Variants in DAB2IP observed in about 807,000 individuals in gnomAD.
The protein encoded by DAB2IP is disabled homolog 2-interacting protein.
In DAB2IP, 28 loss-of-function variants were observed where a neutral mutation model predicts 107.2. That is an observed-to-expected ratio of 0.26 (90% CI 0.19 to 0.36). The LOEUF (loss-of-function observed/expected upper bound fraction) is 0.36, where lower values mean the gene tolerates loss of function less well. Ranked by LOEUF, DAB2IP falls within the 10% of genes least tolerant of loss-of-function variation. DAB2IP has a pLI of 1.00. For missense variants in DAB2IP, 1,400 were observed against 1,644.7 expected, an observed-to-expected ratio of 0.85 and a Z score of 2.57; for synonymous variants, 755 against 706.4, an observed-to-expected ratio of 1.07 and a Z score of -1.09.
At position 121,702,625 on chromosome 9, in the gene DAB2IP, A is replaced by G. The variant is rs1032895886; in HGVS notation, c.362+3167A>G. ...AGGTGAAAGGTGTGCCGGCAAAAGC[A>G]TTTTCATTTTGCACACTGGAAATGC... On this transcript the variant is annotated intron_variant, in intron 3 of 15. Transcript: ENST00000408936. This position sits in a 1 kb window ranked among gnomAD's most constrained non-coding sequence, Gnocchi z 4.5. Among the ~76,000 whole-genome samples the G allele has an allele frequency of 2.6e-5, 4 of 152,252 alleles. No homozygotes were observed. The highest frequency in any genetic ancestry group is 3.9e-4 in the East Asian group (2 of 5,180).
Position 121,760,479 on chromosome 9 carries a change from G to A in DAB2IP, c.1170+40G>A, listed in dbSNP as rs1833809486. ...CTCGGCTCCTGACACAGGCTGGGCG[G>A]CAGCACTGGGTTACCTGCCCTTCCT... On this transcript the variant is annotated intron_variant, in intron 6 of 15. Transcript: ENST00000408936. This position sits in a 1 kb window ranked among gnomAD's most constrained non-coding sequence, Gnocchi z 5.9. 1 of 1,527,312 alleles carries A rather than the reference G, an allele frequency of 6.5e-7. No homozygotes were observed. Among genetic ancestry groups the A allele is most frequent in the Non-Finnish European group, 8.8e-7 (1 of 1,142,264 alleles). The allele number at this position is 1,527,312 out of a possible 1,614,324, so 94.6% of individuals were successfully genotyped here. A position where few individuals can be genotyped will look rare whatever the true frequency, so the allele number is the denominator to read the frequency against.
chr9:121,638,126 G>C (rs1470390173), intron 1 of DAB2IP, among the ~76,000 whole-genome samples: 1 of 152,070 alleles, frequency 6.6e-6, no homozygotes, highest in Admixed American at 6.5e-5. Context: ...ATATGCAGTC[G>C]GCCCTCCGAA....
intron 3 of DAB2IP, among the ~76,000 whole-genome samples, chr9:121,734,105 C>T (rs1281229236): frequency 1.4e-5 from 2 of 140,614 alleles, no homozygotes; most frequent in South Asian, 2.1e-4. Flanking sequence ...GGGCCGGGCG[C>T]GGTGGCTCAC....
chr9:121,644,164 T>C (rs565821045), intron 1 of DAB2IP, among the ~76,000 whole-genome samples: 1 of 143,152 alleles, frequency 7.0e-6, no homozygotes, highest in South Asian at 2.2e-4. Flanking sequence ...GAGCGAGACC[T>C]TGTCTAAAAA....
At chr9:121,707,386 C>T (rs979811296) in intron 3 of DAB2IP, among the ~76,000 whole-genome samples, 2 of 152,206 alleles carry the variant, frequency 1.3e-5, no homozygotes, top group African/African-American at 4.8e-5. Flanking sequence ...TACATTACTG[C>T]ATCAGATGCT....
upstream of DAB2IP, among the ~76,000 whole-genome samples, chr9:121,649,623 T>C (rs1030137219): frequency 6.6e-6 from 1 of 151,902 alleles, no homozygotes; most frequent in Non-Finnish European, 1.5e-5. Flanking sequence ...TTCCTGGGAG[T>C]CCCTCACCCC....
At chr9:121,690,861 C>T (rs1025333237) in intron 2 of DAB2IP, among the ~76,000 whole-genome samples, 7 of 152,266 alleles carry the variant, frequency 4.6e-5, no homozygotes, top group Non-Finnish European at 8.8e-5. Context: ...CTGGAGGGAC[C>T]TGTGATAACT....
chr9:121,742,449 A>G (rs1832421436), intron 3 of DAB2IP, among the ~76,000 whole-genome samples: 1 of 152,158 alleles, frequency 6.6e-6, no homozygotes, highest in Admixed American at 6.5e-5. Context: ...AGATAGCCAC[A>G]CAGCACCTAC....
chr9:121,713,688 T>C (rs1830448092), intron 3 of DAB2IP, among the ~76,000 whole-genome samples: 1 of 152,128 alleles, frequency 6.6e-6, no homozygotes, highest in Non-Finnish European at 1.5e-5. Context: ...CAGGGGAGCC[T>C]GGGGTGAATT....
chr9:121,689,249 G>A (rs374275262), intron 2 of DAB2IP, among the ~76,000 whole-genome samples: 6 of 151,038 alleles, frequency 4.0e-5, no homozygotes, highest in African/African-American at 1.2e-4. Flanking sequence ...AGCTGAGATC[G>A]CGCCACTACA....
chr9:121,651,669 C>G lies in DAB2IP; in HGVS notation c.-107C>G. 1.8e-6 allele frequency: 2 copies of G among 1,096,996 alleles called. No individual in the cohort carries two copies. Among genetic ancestry groups the G allele is most frequent in the Non-Finnish European group, 2.2e-6 (2 of 903,220 alleles). The allele number at this position is 1,096,996 out of a possible 1,614,324, so 68.0% of individuals were successfully genotyped here. On this transcript the variant is annotated 5_prime_UTR_variant, in exon 1 of 16. Coordinates refer to ENST00000408936, the Ensembl canonical transcript of DAB2IP. The surrounding 1 kb of genome is among the most constrained non-coding windows in gnomAD (Gnocchi z 5.1). ...GGCAGCCAGGGCCTCGGCGGCCGCTCGGGCGAGCGCGGGAGAACGCGTGGG... is the reference window on the plus strand; with the variant it reads ...GGCAGCCAGGGCCTCGGCGGCCGCTGGGGCGAGCGCGGGAGAACGCGTGGG...
intron 1 of DAB2IP, among the ~76,000 whole-genome samples, chr9:121,616,145 T>G (rs56342042): frequency 0.072 from 11,034 of 152,208 alleles, 470 homozygotes; most frequent in Non-Finnish European, 0.099. Flanking sequence ...CCTCCCACCC[T>G]GATCCCTGGG....
At chr9:121,628,576 T>C (rs925432071) in intron 1 of DAB2IP, among the ~76,000 whole-genome samples, 1 of 151,880 alleles carries the variant, frequency 6.6e-6, no homozygotes, top group African/African-American at 2.4e-5. Flanking sequence ...ATCTGCAGAG[T>C]GTGGGCAATC....
At chr9:121,615,956 G>A (rs1353548087) in intron 1 of DAB2IP, among the ~76,000 whole-genome samples, 1 of 152,130 alleles carries the variant, frequency 6.6e-6, no homozygotes, top group Non-Finnish European at 1.5e-5. Flanking sequence ...TCGAGGTGGC[G>A]AGATGGACAT....
At chr9:121,613,256 A>G (rs566525972) in intron 1 of DAB2IP, among the ~76,000 whole-genome samples, 1 of 152,168 alleles carries the variant, frequency 6.6e-6, no homozygotes, top group African/African-American at 2.4e-5. Context: ...CACCTTGGCC[A>G]CTGTTGTTTT....
chr9:121,628,605 G>A (rs1471097656), intron 1 of DAB2IP, among the ~76,000 whole-genome samples: 1 of 152,216 alleles, frequency 6.6e-6, no homozygotes, highest in East Asian at 1.9e-4. Flanking sequence ...CTTCCCGGAA[G>A]AGGTGGGACT....
chr9:121,588,948 C>T lies in DAB2IP; in HGVS notation c.40+21720C>T, dbSNP rs528539186. On this transcript the variant is annotated intron_variant, in intron 1 of 16. Transcript: ENST00000259371. ...GACCTTTACTCCTGAAGAGGAGATC[C>T]GGGTTGCACATCACACCCCCTACCC... is the stretch of plus-strand genomic sequence containing the variant. Among the ~76,000 whole-genome samples, 7 of 151,804 alleles carry T rather than the reference C, an allele frequency of 4.6e-5. No individual in the cohort carries two copies. The South Asian group carries it at 8.4e-4, about 18-fold the overall frequency.
Position 121,776,222 on chromosome 9 carries a change from C to G in DAB2IP, c.3145C>G (p.Leu1049Val). 1.9e-6 allele frequency: 3 copies of G among 1,580,780 alleles called. No individual in the cohort carries two copies. The highest frequency in any genetic ancestry group is 1.2e-5 in the South Asian group (1 of 85,890). ...GGACCTGGCGGTGCTGCAGGACAAG[C>G]TGCGAATCTCCACCAAGAAGCTGGA... The change falls in exon 14 of 16, where the codon CTG (leucine) becomes GTG (valine). Residue 1049 changes from leucine to valine, a missense_variant. Around this residue, in one of 3 missense-constraint regions of DAB2IP, gnomAD observed 600 missense variants for 659.1 expected, o/e 0.91. Coordinates refer to ENST00000408936, the Ensembl canonical transcript of DAB2IP. This position sits in a 1 kb window ranked among gnomAD's most constrained non-coding sequence, Gnocchi z 5.4.
intron 1 of DAB2IP, among the ~76,000 whole-genome samples, chr9:121,677,054 T>C (rs1833945766): frequency 6.6e-6 from 1 of 152,232 alleles, no homozygotes; most frequent in Admixed American, 6.5e-5. Flanking sequence ...TCTTGAACCA[T>C]GGCAGCTATG....
Sources: gnomAD v4.1 joint callset for allele counts (sites outside exome capture counted in the v4.1 genomes callset) on GRCh38, gnomAD v4.1.1 for gene constraint, gnomAD v4.1.1 regional missense constraint, Gnocchi (gnomAD v3.1) non-coding constraint, MANE v1.5 for transcripts, NCBI Gene and HGNC (gene_info 2026-07-23, HGNC 2026-07-21) for gene names.